Variants in CIITA observed in about 807,000 individuals in gnomAD.
CIITA encodes MHC class II transactivator.
In CIITA, 72 loss-of-function variants were observed where a neutral mutation model predicts 115.1. The observed-to-expected ratio is 0.63, with a 90% CI of 0.52 to 0.76. The LOEUF is 0.76. CIITA is among the 30% of genes least tolerant of loss of function. The pLI, the probability that CIITA is intolerant of heterozygous loss-of-function variation, is 0.00. For missense variants in CIITA, 1,617 were observed against 1,463.8 expected (o/e 1.10, Z -1.71); for synonymous variants, 763 against 635.6 (o/e 1.20, Z -3.02).
intron 13 of CIITA, among the ~76,000 whole-genome samples, chr16:10,911,985 A>G (rs1262148314): frequency 6.6e-6 from 1 of 152,244 alleles, no homozygotes; most frequent in Non-Finnish European, 1.5e-5. Context: ...TTGTTTATCC[A>G]AAGTCATAAA....
chr16:10,866,897 G>A (rs1446510956), intron 1 of CIITA, among the ~76,000 whole-genome samples: 3 of 152,202 alleles, frequency 2.0e-5, no homozygotes, highest in African/African-American at 4.8e-5. Context: ...GCCTTCAAAG[G>A]GGTCTGCTGT....
chr16:10,889,724 G>C (rs1483533861), intron 1 of CIITA, among the ~76,000 whole-genome samples: 1 of 152,058 alleles, frequency 6.6e-6, no homozygotes, highest in East Asian at 1.9e-4. Context: ...TCACCATGTT[G>C]CCCGGGCTGG....
At chr16:10,892,448 C>G (rs2037693937) in intron 1 of CIITA, among the ~76,000 whole-genome samples, 1 of 152,196 alleles carries the variant, frequency 6.6e-6, no homozygotes, top group South Asian at 2.1e-4. Flanking sequence ...AGGAGCCTCC[C>G]TCTGGTCTTC....
At chr16:10,896,161 A>C (rs1158908756) in intron 3 of CIITA, among the ~76,000 whole-genome samples, 1 of 149,680 alleles carries the variant, frequency 6.7e-6, no homozygotes, top group African/African-American at 2.4e-5. Flanking sequence ...CTGGATACTC[A>C]TAGTATGCTC....
upstream of CIITA, among the ~76,000 whole-genome samples, chr16:10,872,636 G>A (rs113575991): frequency 0.01 from 1,576 of 152,234 alleles, 38 homozygotes; most frequent in African/African-American, 0.035. Context: ...CCATCAGCAG[G>A]TCCAGGTTCT....
downstream of CIITA, chr16:10,937,560 G>A (rs1039048371): frequency 6.6e-6 from 1 of 152,238 alleles, no homozygotes; most frequent in African/African-American, 2.4e-5. This position sits in a 1 kb window ranked among gnomAD's most constrained non-coding sequence, Gnocchi z 4.2. Context: ...AGCTGCACCA[G>A]GACAAGCTGA....
chr16:10,882,115 T>A (rs940201194), intron 1 of CIITA, among the ~76,000 whole-genome samples: 15 of 152,218 alleles, frequency 9.9e-5, no homozygotes. Flanking sequence ...TGAATAATCT[T>A]GCTAGGTACA....
rs1023074664 is a variant in CIITA at position 10,879,532 on chromosome 16, C to G, written c.52+2150C>G. On this transcript the variant is annotated intron_variant, in intron 1 of 19. Transcript: ENST00000324288. The surrounding 1 kb of genome is among the most constrained non-coding windows in gnomAD (Gnocchi z 4.3). ...GGTATTGGGCTCTCCAGGCGGGGGG[C>G]CCTGCTCAGGGAGGCAGTAGGGAGC... is the stretch of plus-strand genomic sequence containing the variant. Among the ~76,000 whole-genome samples the G allele has an allele frequency of 6.6e-6, 1 of 152,128 alleles. No individual in the cohort carries two copies. Among genetic ancestry groups the G allele is most frequent in the Non-Finnish European group, 1.5e-5 (1 of 68,010 alleles).
At position 10,879,114 on chromosome 16, in the gene CIITA, C is replaced by G. The variant is rs1596422992; in HGVS notation, c.52+1732C>G. On this transcript the variant is annotated intron_variant, in intron 1 of 19. Transcript: ENST00000324288. The surrounding 1 kb of genome is among the most constrained non-coding windows in gnomAD (Gnocchi z 4.3). The stretch of plus-strand genomic sequence containing the variant: ...ATCGAGGCTCCGAGACTGTCAGCTA[C>G]TTGCTCAAGGTCACACAGCAAGTCT... 5.3e-6 allele frequency: 1 copy of G among 187,466 alleles called. No homozygotes were observed. Among genetic ancestry groups the G allele is most frequent in the African/African-American group, 2.3e-5 (1 of 42,704 alleles). 11.6% of individuals were successfully genotyped at this position (187,466 alleles called of 1,614,324 possible). A position where few individuals can be genotyped will look rare whatever the true frequency, so the allele number is the denominator to read the frequency against.
chr16:10,874,707 T>C (rs1428932178), upstream of CIITA, among the ~76,000 whole-genome samples: 1 of 152,190 alleles, frequency 6.6e-6, no homozygotes, highest in Non-Finnish European at 1.5e-5. Flanking sequence ...AAGGTGGTAC[T>C]GAAACGAACC....
chr16:10,868,125 A>G (rs761641111), intron 1 of CIITA, among the ~76,000 whole-genome samples: 10 of 152,202 alleles, frequency 6.6e-5, no homozygotes, highest in Non-Finnish European at 1.3e-4. Flanking sequence ...TCTTGAGAGA[A>G]TAACAGTGAT....
Position 10,906,865 on chromosome 16 carries a change from G to T in CIITA, c.1373G>T (p.Arg458Leu), listed in dbSNP as rs770948154. ...VFSVPCHCLN[R>L]PGDAYGLQDL... ...TCTGTCCCCTGCCATTGCTTGAACC[G>T]TCCGGGGGATGCCTATGGCCTGCAG... Residue 458 changes from arginine to leucine, a missense_variant, in exon 11 of 20, where the codon CGT becomes CTT. Arg to Leu is a moderately radical substitution (Grantham distance 102). Coordinates refer to ENST00000324288, the MANE Select transcript of CIITA (RefSeq NM_000246.4). The T allele has an allele frequency of 1.2e-6, 2 of 1,613,460 alleles. No homozygotes were observed. The highest frequency in any genetic ancestry group is 1.7e-6 in the Non-Finnish European group (2 of 1,180,028).
intron 5 of CIITA, among the ~76,000 whole-genome samples, chr16:10,900,711 G>C (rs2038653634): frequency 6.6e-6 from 1 of 151,090 alleles, no homozygotes; most frequent in Non-Finnish European, 1.5e-5. Flanking sequence ...GTGCACTCCA[G>C]CCTGGGCAAC....
chr16:10,879,779 G>A lies in CIITA; in HGVS notation c.52+2397G>A, dbSNP rs1245037627. Among the ~76,000 whole-genome samples the A allele has an allele frequency of 5.9e-5, 9 of 152,152 alleles. No individual in the cohort carries two copies. Among genetic ancestry groups the A allele is most frequent in the African/African-American group, 2.2e-4 (9 of 41,450 alleles). On this transcript the variant is annotated intron_variant, in intron 1 of 19. Transcript: ENST00000324288. This position sits in a 1 kb window ranked among gnomAD's most constrained non-coding sequence, Gnocchi z 4.3. The stretch of plus-strand genomic sequence containing the variant: ...CGTGCGAATGCCGGGGTGGGAGTGG[G>A]AGATTGGATCTCCCTGGGGTCCAGG...
downstream of CIITA, chr16:10,940,401 C>G (rs894389772): frequency 6.6e-6 from 1 of 152,258 alleles, no homozygotes; most frequent in African/African-American, 2.4e-5. The surrounding 1 kb of genome is among the most constrained non-coding windows in gnomAD (Gnocchi z 4.2). Flanking sequence ...GTTGTCTTGG[C>G]AAAGCCAGGT....
chr16:10,917,385 G>T (rs952469693), intron 15 of CIITA, among the ~76,000 whole-genome samples: 1 of 152,098 alleles, frequency 6.6e-6, no homozygotes, highest in African/African-American at 2.4e-5. Context: ...CGTTGCCCAG[G>T]CTGGTCTTGA....
At chr16:10,899,780 C>T (rs1291265393) in intron 5 of CIITA, among the ~76,000 whole-genome samples, 4 of 152,120 alleles carry the variant, frequency 2.6e-5, no homozygotes, top group Non-Finnish European at 5.9e-5. Flanking sequence ...TTTAAAAGTG[C>T]AAAGAATATT....
upstream of CIITA, among the ~76,000 whole-genome samples, chr16:10,873,555 G>A (rs537396071): frequency 4.6e-5 from 7 of 152,156 alleles, no homozygotes; most frequent in African/African-American, 7.2e-5. Context: ...GAGCAGCACC[G>A]GGAGGGAGCA....
In CIITA at chr16:10,932,424, T is replaced by G. The variant is rs2040836468; in HGVS notation, c.*8569T>G. On this transcript the variant is annotated 3_prime_UTR_variant, in exon 20 of 20. Coordinates refer to ENST00000324288, the MANE Select transcript of CIITA (RefSeq NM_000246.4). The stretch of plus-strand genomic sequence containing the variant: ...GCATTTCACATGGAGCTCAGAGAGG[T>G]TAAGCAAGCCGTGCAAGGCCACACA... 1 of 152,054 alleles carries G rather than the reference T, an allele frequency of 6.6e-6. No homozygotes were observed. The highest frequency in any genetic ancestry group is 2.1e-4 in the South Asian group (1 of 4,820). The allele number at this position is 152,054 out of a possible 1,614,324, so 9.4% of individuals were successfully genotyped here. A position where few individuals can be genotyped will look rare whatever the true frequency, so the allele number is the denominator to read the frequency against.
Sources: allele counts gnomAD v4.1 joint callset (sites outside exome capture counted in the v4.1 genomes callset), GRCh38; gene constraint gnomAD v4.1.1; non-coding constraint Gnocchi (gnomAD v3.1); transcripts MANE v1.5; gene names NCBI Gene and HGNC (gene_info 2026-07-23, HGNC 2026-07-21).